Variants in RBMS3 observed in about 807,000 individuals in gnomAD.
RBMS3 encodes the protein RNA binding motif single stranded interacting protein 3, also known as RNA-binding motif, single-stranded-interacting protein 3.
RBMS3 carries 27 observed loss-of-function variants against 66.8 expected under a neutral mutation model. That is an observed-to-expected ratio of 0.40 (90% confidence interval 0.30 to 0.56). The LOEUF (loss-of-function observed/expected upper bound fraction) is 0.56. Ranked by LOEUF, RBMS3 falls within the 20% of genes least tolerant of loss-of-function variation. The pLI is 0.40. For missense variants in RBMS3, 513 were observed against 549.5 expected (o/e 0.93, Z 0.66); for synonymous variants, 188 against 183.0 (o/e 1.03, Z -0.22).
intron 1 of RBMS3, among the ~76,000 whole-genome samples, chr3:29,296,148 G>A (rs2033247238): frequency 1.3e-5 from 2 of 151,710 alleles, no homozygotes; most frequent in South Asian, 4.1e-4. Context: ...AGCAATTCTA[G>A]GATCTCATTA....
chr3:29,354,004 C>G (rs1470011469), intron 1 of RBMS3, among the ~76,000 whole-genome samples: 2 of 152,048 alleles, frequency 1.3e-5, no homozygotes, highest in African/African-American at 4.8e-5. Context: ...AGTAATTCTT[C>G]TAGTCTCCAG....
At chr3:29,644,708 C>G (rs1221547776) in intron 4 of RBMS3, among the ~76,000 whole-genome samples, 1 of 152,060 alleles carries the variant, frequency 6.6e-6, no homozygotes, top group African/African-American at 2.4e-5. Flanking sequence ...ATTGCAGGCA[C>G]TATATTGTTT....
At chr3:29,698,709 C>T (rs1028246577) in intron 4 of RBMS3, 3 of 643,030 alleles carry the variant, frequency 4.7e-6, no homozygotes, top group Admixed American at 6.3e-5. Flanking sequence ...TCTGTGTGGA[C>T]TATGCTATTC....
chr3:29,749,007 T>A lies in RBMS3; in HGVS notation c.557+9130T>A, dbSNP rs1398417682. Reference sequence around the variant, plus strand: ...AACTTATTTATATAGTTGCTGTCACTTATTGAATCATCCTGGTCTTTAGAA... The same window carrying A: ...AACTTATTTATATAGTTGCTGTCACATATTGAATCATCCTGGTCTTTAGAA... On this transcript the variant is annotated intron_variant, in intron 5 of 14. Coordinates refer to ENST00000383767, the MANE Select transcript of RBMS3 (RefSeq NM_001003793.3). Among the ~76,000 whole-genome samples, 4 of 152,214 alleles carry A rather than the reference T, an allele frequency of 2.6e-5. No individual in the cohort carries two copies. In the East Asian group the frequency reaches 7.7e-4, roughly 29 times the overall value.
At chr3:29,834,481 T>A (rs1008600705) in intron 6 of RBMS3, among the ~76,000 whole-genome samples, 1 of 152,010 alleles carries the variant, frequency 6.6e-6, no homozygotes. Flanking sequence ...AATTTGTGTA[T>A]GCAATTGTAA....
At chr3:29,928,754 C>T (rs775713702) in intron 10 of RBMS3, among the ~76,000 whole-genome samples, 26 of 141,410 alleles carry the variant, frequency 1.8e-4, no homozygotes, top group Admixed American at 9.3e-4. Flanking sequence ...CTCCTCTCTT[C>T]TCCCATAACA....
At chr3:29,920,520 T>C (rs748641951) in intron 10 of RBMS3, among the ~76,000 whole-genome samples, 35 of 152,246 alleles carry the variant, frequency 2.3e-4, no homozygotes, top group Non-Finnish European at 4.7e-4. Flanking sequence ...AAATAGATGA[T>C]TTAACCATGT....
intron 1 of RBMS3, among the ~76,000 whole-genome samples, chr3:29,372,259 C>T (rs924303648): frequency 1.8e-4 from 28 of 151,850 alleles, no homozygotes; most frequent in Admixed American, 1.8e-3. Context: ...GAACCCGGGT[C>T]GTGGAGGCTG....
intron 3 of RBMS3, among the ~76,000 whole-genome samples, chr3:29,530,784 A>G (rs759674641): frequency 1.3e-5 from 2 of 151,734 alleles, no homozygotes; most frequent in Non-Finnish European, 2.9e-5. Flanking sequence ...AGGCAGGAGA[A>G]TTGCCTGAAC....
At chr3:29,688,991 A>T (rs76558715) in intron 4 of RBMS3, among the ~76,000 whole-genome samples, 4,105 of 152,214 alleles carry the variant, frequency 0.027, 78 homozygotes, top group Admixed American at 0.063. Context: ...GGACAACTTC[A>T]CGATGCTGTT....
At chr3:29,537,446 A>G (rs1333321564) in intron 3 of RBMS3, among the ~76,000 whole-genome samples, 1 of 152,238 alleles carries the variant, frequency 6.6e-6, no homozygotes, top group East Asian at 1.9e-4. Context: ...TTACCAAAAT[A>G]CCTTAAACTA....
intron 1 of RBMS3, among the ~76,000 whole-genome samples, chr3:29,343,831 G>A (rs1016654170): frequency 1.3e-5 from 2 of 152,186 alleles, no homozygotes; most frequent in Non-Finnish European, 2.9e-5. Flanking sequence ...AACTAAGACC[G>A]TTCTCTGCAT....
intron 4 of RBMS3, among the ~76,000 whole-genome samples, chr3:29,721,577 C>A (rs2053645673): frequency 6.6e-6 from 1 of 152,150 alleles, no homozygotes; most frequent in Admixed American, 6.6e-5. Flanking sequence ...GAGGGGAAAA[C>A]TGCCCTGTTT....
intron 10 of RBMS3, among the ~76,000 whole-genome samples, chr3:29,924,226 G>A (rs1038309447): frequency 1.3e-5 from 2 of 151,916 alleles, no homozygotes; most frequent in Non-Finnish European, 2.9e-5. Flanking sequence ...CAACCCCACC[G>A]GAAAAATGGA....
chr3:29,984,997 C>A (rs553249176), intron 12 of RBMS3, among the ~76,000 whole-genome samples: 6 of 152,358 alleles, frequency 3.9e-5, no homozygotes, highest in African/African-American at 1.4e-4. Flanking sequence ...GCTGCGCCCA[C>A]AGCCACTCAT....
chr3:29,628,534 AC>A (rs2049154719), intron 4 of RBMS3, among the ~76,000 whole-genome samples: 2 of 151,924 alleles, frequency 1.3e-5, no homozygotes, highest in East Asian at 1.9e-4. Flanking sequence ...CTCACCTGAA[AC>A]CCTCACATTT....
Position 29,414,290 on chromosome 3 carries a change from C to T in RBMS3, c.76-20453C>T, listed in dbSNP as rs1007559249. On this transcript the variant is annotated intron_variant, in intron 1 of 14. Coordinates refer to ENST00000383767, the MANE Select transcript of RBMS3 (RefSeq NM_001003793.3). ...ACAAAACATTTATTGGAAAATATAT[C>T]TATCCCATGAGATAGGACACAGTCA... is the stretch of plus-strand genomic sequence containing the variant. Among the ~76,000 whole-genome samples the T allele has an allele frequency of 7.2e-5, 11 of 152,332 alleles. No individual in the cohort carries two copies. In the East Asian group the frequency reaches 7.7e-4, roughly 11 times the overall value.
intron 1 of RBMS3, among the ~76,000 whole-genome samples, chr3:29,348,085 T>C (rs2125551821): frequency 6.6e-6 from 1 of 152,050 alleles, no homozygotes; most frequent in East Asian, 1.9e-4. Context: ...TCAAGTCTCT[T>C]CACTGCCTTG....
chr3:29,376,708 C>A (rs2038489605), intron 1 of RBMS3, among the ~76,000 whole-genome samples: 1 of 152,080 alleles, frequency 6.6e-6, no homozygotes, highest in South Asian at 2.1e-4. Context: ...GAGATGGAGA[C>A]CATCCTGGCT....
Sources: allele counts gnomAD v4.1 joint callset (sites outside exome capture counted in the v4.1 genomes callset), GRCh38; gene constraint gnomAD v4.1.1; transcripts MANE v1.5; gene names NCBI Gene and HGNC (gene_info 2026-07-23, HGNC 2026-07-21).